Variants in MEIS2 observed in about 807,000 individuals in gnomAD.
The protein encoded by MEIS2 is homeobox protein Meis2.
A neutral mutation model predicts 58.6 loss-of-function variants in MEIS2; 9 were observed. The ratio of observed to expected loss-of-function variants is 0.15; its 90% CI spans 0.09 to 0.27. The LOEUF is 0.27. Among genes scored for constraint, MEIS2 ranks in the 10% least tolerant of loss-of-function variants. The pLI, the probability that MEIS2 is intolerant of heterozygous loss-of-function variation, is 1.00. For missense variants in MEIS2, 427 were observed against 635.0 expected, an observed-to-expected ratio of 0.67 and a Z score of 3.52; for synonymous variants, 221 against 228.4, an observed-to-expected ratio of 0.97 and a Z score of 0.29.
At chr15:37,040,829 C>T (rs1373645851) in intron 7 of MEIS2, among the ~76,000 whole-genome samples, 1 of 152,150 alleles carries the variant, frequency 6.6e-6, no homozygotes, top group Non-Finnish European at 1.5e-5. Context: ...GTCCCCAGGC[C>T]TCATCCCAGA....
intron 8 of MEIS2, among the ~76,000 whole-genome samples, chr15:36,966,247 C>A (rs955214220): frequency 9.2e-5 from 14 of 152,268 alleles, no homozygotes; most frequent in Admixed American, 3.9e-4. Flanking sequence ...CTCCACAAGA[C>A]ACCATTTTTA....
intron 9 of MEIS2, among the ~76,000 whole-genome samples, chr15:36,926,608 T>TA (rs1216491900): frequency 1.3e-5 from 2 of 152,308 alleles, no homozygotes; most frequent in East Asian, 3.9e-4. Flanking sequence ...AATGGGGAAA[T>TA]AACCCAATTG....
intron 8 of MEIS2, among the ~76,000 whole-genome samples, chr15:36,967,797 C>T (rs1198802386): frequency 1.3e-5 from 2 of 152,208 alleles, no homozygotes; most frequent in African/African-American, 4.8e-5. Flanking sequence ...TTTCTCTCCT[C>T]CCCTTTTTCT....
chr15:36,981,068 T>C (rs2059914628), intron 8 of MEIS2, among the ~76,000 whole-genome samples: 1 of 149,936 alleles, frequency 6.7e-6, no homozygotes, highest in Non-Finnish European at 1.5e-5. Flanking sequence ...TGAGAAAAAT[T>C]GTAATCTTTA....
At chr15:36,928,085 G>A (rs1306499741) in intron 9 of MEIS2, among the ~76,000 whole-genome samples, 1 of 152,020 alleles carries the variant, frequency 6.6e-6, no homozygotes, top group Non-Finnish European at 1.5e-5. Flanking sequence ...TTTTCAGAAT[G>A]CCTCTGTGAA....
intron 9 of MEIS2, among the ~76,000 whole-genome samples, chr15:36,920,388 C>T (rs1778641768): frequency 6.6e-6 from 1 of 152,202 alleles, no homozygotes; most frequent in African/African-American, 2.4e-5. Flanking sequence ...CTCAGGTGAT[C>T]CACCCGCCTC....
intron 1 of MEIS2, chr15:37,098,410 GA>G (rs1894633868): frequency 1.7e-6 from 2 of 1,170,998 alleles, no homozygotes; most frequent in Middle Eastern, 3.2e-4. Context: ...GAGAGAGAGA[GA>G]GAGAGAGAGA....
chr15:37,070,477 G>A (rs941367462), intron 7 of MEIS2, among the ~76,000 whole-genome samples: 1 of 152,164 alleles, frequency 6.6e-6, no homozygotes, highest in Non-Finnish European at 1.5e-5. Flanking sequence ...AGTCTGGAAA[G>A]CTCTGTCTCT....
chr15:37,010,599 G>A (rs901649845), intron 8 of MEIS2, among the ~76,000 whole-genome samples: 9 of 152,120 alleles, frequency 5.9e-5, no homozygotes, highest in Non-Finnish European at 1.0e-4. Context: ...GCTGGCCCTC[G>A]AACTCCTGGG....
At chr15:37,072,744 T>C (rs1376396434) in intron 7 of MEIS2, among the ~76,000 whole-genome samples, 1 of 152,102 alleles carries the variant, frequency 6.6e-6, no homozygotes, top group Non-Finnish European at 1.5e-5. Context: ...TAGTTACATA[T>C]GTATACATGT....
chr15:37,007,820 T>C lies in MEIS2; in HGVS notation c.900+28994A>G, dbSNP rs532858828. On this transcript the variant is annotated intron_variant, in intron 8 of 11. Coordinates refer to ENST00000561208, the MANE Select transcript of MEIS2 (RefSeq NM_170675.5). ...GCTATGTTAATAAAGAGGCAGTTGGTATTTTTGATAAATATCCTTGATGTT... is the reference window on the plus strand; with the variant it reads ...GCTATGTTAATAAAGAGGCAGTTGGCATTTTTGATAAATATCCTTGATGTT... Among the ~76,000 whole-genome samples, 7 of 152,344 alleles carry C rather than the reference T, an allele frequency of 4.6e-5. No homozygotes were observed. The South Asian group carries it at 1.4e-3, about 32-fold the overall frequency.
At chr15:36,895,535 C>T (rs2290184) in intron 10 of MEIS2, among the ~76,000 whole-genome samples, 119,182 of 152,078 alleles carry the variant, frequency 0.78, 49,266 homozygotes, top group Non-Finnish European at 0.9. Flanking sequence ...ATTAGGGGGA[C>T]GAAGGCTGGA....
At chr15:36,941,230 C>G (rs1487348731) in intron 9 of MEIS2, among the ~76,000 whole-genome samples, 1 of 152,182 alleles carries the variant, frequency 6.6e-6, no homozygotes, top group Non-Finnish European at 1.5e-5. Flanking sequence ...TTTACCCTAA[C>G]TAACCCAGCC....
chr15:36,981,052 G>A (rs1335656223), intron 8 of MEIS2, among the ~76,000 whole-genome samples: 1 of 151,918 alleles, frequency 6.6e-6, no homozygotes, highest in Non-Finnish European at 1.5e-5. Context: ...ATTCTGATGT[G>A]TAGATTGAGA....
At chr15:36,973,671 G>C (rs899320371) in intron 8 of MEIS2, among the ~76,000 whole-genome samples, 5 of 151,994 alleles carry the variant, frequency 3.3e-5, no homozygotes, top group Non-Finnish European at 5.9e-5. Context: ...CACATAATAA[G>C]AGTTGAAAAA....
chr15:37,051,609 G>A (rs1039278441), intron 7 of MEIS2, among the ~76,000 whole-genome samples: 3 of 152,152 alleles, frequency 2.0e-5, no homozygotes, highest in African/African-American at 7.2e-5. Flanking sequence ...TGCAATTTTT[G>A]TATGTAAATT....
In MEIS2 at chr15:36,889,364, G is replaced by A. The variant is rs1021233933; in HGVS notation, c.*2809C>T. 2.0e-5 allele frequency: 3 copies of A among 151,984 alleles called. No homozygotes were observed. Among genetic ancestry groups the A allele is most frequent in the Admixed American group, 2.0e-4 (3 of 15,262 alleles). The allele number at this position is 151,984 out of a possible 1,614,324, so 9.4% of individuals were successfully genotyped here. On this transcript the variant is annotated 3_prime_UTR_variant, in exon 12 of 12. Coordinates refer to ENST00000561208, the MANE Select transcript of MEIS2 (RefSeq NM_170675.5). ...ACACTAAATAGTAAACCCGAGATAG[G>A]AGCAAGTGCCTTCCGGGGTGGTGTA...
chr15:37,099,317 T>C lies in MEIS2; in HGVS notation c.12+138A>G, dbSNP rs1193263301. 2.6e-6 allele frequency: 4 copies of C among 1,554,100 alleles called. No homozygotes were observed. In the East Asian group the frequency reaches 9.1e-5, roughly 35 times the overall value. ...GAGGGAAAGAAGCCGATGAATAATT[T>C]TGCTATTTTTTAAAATACTGGCCGC... On this transcript the variant is annotated intron_variant, in intron 1 of 11. Coordinates refer to ENST00000561208, the MANE Select transcript of MEIS2 (RefSeq NM_170675.5).
intron 6 of MEIS2, 23 bp downstream of exon 6, chr15:37,093,558 T>C: frequency 6.2e-7 from 1 of 1,613,044 alleles, no homozygotes. Context: ...CCTTAAAAGA[T>C]TGCTAAAGGC....
Sources: allele counts gnomAD v4.1 joint callset (sites outside exome capture counted in the v4.1 genomes callset), GRCh38; gene constraint gnomAD v4.1.1; transcripts MANE v1.5; gene names NCBI Gene and HGNC (gene_info 2026-07-23, HGNC 2026-07-21).